The following FBN2 variants were observed in gnomAD, a reference collection of about 807,000 sequenced individuals.
FBN2 encodes fibrillin-2.
A neutral mutation model predicts 355.6 loss-of-function variants in FBN2; 105 were observed. That is an observed-to-expected ratio of 0.30 (90% confidence interval 0.25 to 0.35). The LOEUF is 0.35. Ranked by LOEUF, FBN2 falls within the 10% of genes least tolerant of loss-of-function variation. The probability of loss-of-function intolerance (pLI) is 1.00; values close to 1 mark genes in which losing one functional copy is unlikely to be tolerated. For synonymous variants in FBN2, 1,350 were observed against 1,301.2 expected, an observed-to-expected ratio of 1.04 and a Z score of -0.81; for missense variants, 3,280 against 3,758.7, an observed-to-expected ratio of 0.87 and a Z score of 3.33.
At chr5:128,447,348 C>G (rs1754093911) in intron 6 of FBN2, among the ~76,000 whole-genome samples, 1 of 152,134 alleles carries the variant, frequency 6.6e-6, no homozygotes, top group Non-Finnish European at 1.5e-5. Flanking sequence ...AGAAACAGCC[C>G]TGAGAAAGAG....
chr5:128,262,004 G>A, intron 63 of FBN2, 97 bp from the exon 64 acceptor site: 1 of 913,432 alleles, frequency 1.1e-6, no homozygotes, highest in Non-Finnish European at 1.8e-6. Flanking sequence ...GAAACCAACA[G>A]AGCAAACACT....
Position 128,258,662 on chromosome 5 carries a change from C to T in FBN2, c.*793G>A, listed in dbSNP as rs1561733137. 6.6e-6 allele frequency: 1 copy of T among 152,638 alleles called. No homozygotes were observed. Among genetic ancestry groups the T allele is most frequent in the Non-Finnish European group, 1.5e-5 (1 of 68,120 alleles). The allele number at this position is 152,638 out of a possible 1,614,324, so 9.5% of individuals were successfully genotyped here. A position where few individuals can be genotyped will look rare whatever the true frequency, so the allele number is the denominator to read the frequency against. On this transcript the variant is annotated 3_prime_UTR_variant, in exon 65 of 65. Transcript: ENST00000262464. ...GAGAAGGAAATACAGTACGGTTTGG[C>T]CTGCAATGCTAATGGTCTCACAAGC...
At chr5:128,327,629 G>GTTTGTT (rs1400681122) in intron 34 of FBN2, among the ~76,000 whole-genome samples, 1 of 144,986 alleles carries the variant, frequency 6.9e-6, no homozygotes, top group Non-Finnish European at 1.5e-5. Flanking sequence ...TTGTTGGTTT[G>GTTTGTT]TTTGTTTTTG....
In FBN2 at chr5:128,474,802, A is replaced by G. The variant is rs548169956; in HGVS notation, c.629-9881T>C. ...ATTCTGTCCTGGCATGTAACTTCCAATACAACATCTAAGCAACTGTGCTGA... is the reference window on the plus strand; with the variant it reads ...ATTCTGTCCTGGCATGTAACTTCCAGTACAACATCTAAGCAACTGTGCTGA... On this transcript the variant is annotated intron_variant, in intron 5 of 64. Coordinates refer to ENST00000262464, the MANE Select transcript of FBN2 (RefSeq NM_001999.4). Among the ~76,000 whole-genome samples, 28 of 152,320 alleles carry G rather than the reference A, an allele frequency of 1.8e-4. 1 individual carries two copies. In the South Asian group the frequency reaches 5.2e-3, roughly 28 times the overall value.
At chr5:128,490,270 A>G (rs1048942340) in intron 5 of FBN2, among the ~76,000 whole-genome samples, 2 of 152,180 alleles carry the variant, frequency 1.3e-5, no homozygotes, top group African/African-American at 4.8e-5. Flanking sequence ...TTTCATATCA[A>G]CTCTGTTTTA....
At chr5:128,293,112 G>A (rs999015801) in intron 48 of FBN2, among the ~76,000 whole-genome samples, 5 of 152,158 alleles carry the variant, frequency 3.3e-5, no homozygotes, top group African/African-American at 1.2e-4. Flanking sequence ...CAGGGTATGT[G>A]TACACATATC....
At position 128,263,548 on chromosome 5, in the gene FBN2, G is replaced by A; in HGVS notation, c.8069C>T (p.Ser2690Phe). The A allele has an allele frequency of 2.5e-6, 4 of 1,614,170 alleles. No homozygotes were observed. Among genetic ancestry groups the A allele is most frequent in the South Asian group, 1.1e-5 (1 of 91,088 alleles). Residue 2690 changes from serine to phenylalanine, a missense_variant, in exon 63 of 65, where the codon TCC (serine) becomes TTC (phenylalanine). Transcript: ENST00000262464. ...CTCATTCACGTCGTGGCAGGCACTG[G>A]AGAACTGGTCGAAGGAGAACCCCGA... ...CPSGFSFDQFSSACHDVNECS... is the reference protein window; with the variant it reads ...CPSGFSFDQFFSACHDVNECS...
chr5:128,287,302 C>T lies in FBN2; in HGVS notation c.6880+6G>A, dbSNP rs1271195305. The T allele has an allele frequency of 6.2e-7, 1 of 1,613,682 alleles. No homozygotes were observed. The highest frequency in any genetic ancestry group is 8.5e-7 in the Non-Finnish European group (1 of 1,179,776). ...GTTCGAACTACTCCCGAGTCTGAGG[C>T]CTTACCTTTGCACATCTTTTGATCT... is the stretch of plus-strand genomic sequence containing the variant. On this transcript the variant is annotated splice_donor_region_variant and intron_variant, in intron 54 of 64. Transcript: ENST00000262464.
intron 23 of FBN2, 145 bp downstream of exon 23, chr5:128,349,202 A>G: frequency 2.2e-6 from 2 of 913,644 alleles, no homozygotes; most frequent in Non-Finnish European, 3.5e-6. Context: ...CTTTTAAAAC[A>G]GCCTCTAGTG....
chr5:128,396,111 A>G (rs1752642849), intron 8 of FBN2, among the ~76,000 whole-genome samples: 1 of 152,166 alleles, frequency 6.6e-6, no homozygotes, highest in South Asian at 2.1e-4. Flanking sequence ...AGCAGAGGGC[A>G]GACATGTTTT....
intron 55 of FBN2, among the ~76,000 whole-genome samples, chr5:128,285,357 T>G (rs1411507700): frequency 6.6e-6 from 1 of 152,214 alleles, no homozygotes; most frequent in Non-Finnish European, 1.5e-5. Context: ...ATTGTTTGCA[T>G]GAAAGTGTTC....
At chr5:128,404,538 C>T (rs151277494) in intron 8 of FBN2, among the ~76,000 whole-genome samples, 384 of 152,324 alleles carry the variant, frequency 2.5e-3, no homozygotes, top group Middle Eastern at 6.8e-3. Context: ...CAAAGAGATG[C>T]CAAAGGCTGC....
chr5:128,295,013 T>C (rs1234133703), intron 48 of FBN2, among the ~76,000 whole-genome samples: 3 of 151,128 alleles, frequency 2.0e-5, no homozygotes, highest in Admixed American at 2.0e-4. Flanking sequence ...GATTTTTGTA[T>C]AAGGTGTAAG....
rs564846611 is a variant in FBN2, at chr5:128,406,218, A to C, written c.1078+2456T>G. 2.6e-4 allele frequency among the ~76,000 whole-genome samples: 39 copies of C among 152,344 alleles called. 1 individual carries two copies. The South Asian group carries it at 7.3e-3, about 28-fold the overall frequency. ...TGAAACCTTGAATGGAGCTGAATCC[A>C]ACTGCTTTCAATTTGAACACGTTTC... On this transcript the variant is annotated intron_variant, in intron 8 of 64. Transcript: ENST00000262464.
chr5:128,330,400 A>G (rs540729179), intron 33 of FBN2, among the ~76,000 whole-genome samples, 173 bp downstream of exon 33: 147 of 152,370 alleles, frequency 9.6e-4, no homozygotes, highest in African/African-American at 3.4e-3. Flanking sequence ...TTGGAAAGTC[A>G]TTCAGGTTTT....
rs200285828 is a variant in FBN2, at chr5:128,319,019, A to C, written c.4472-18T>G. 6 of 1,582,468 alleles carry C rather than the reference A, an allele frequency of 3.8e-6. No homozygotes were observed. In the African/African-American group the frequency reaches 4.0e-5, roughly 11 times the overall value. On this transcript the variant is annotated intron_variant, in intron 34 of 64. Transcript: ENST00000262464. ...ATCAATATCTGAAGATTTTAAAAAA[A>C]AGTAATCTCTTATTTAAGAAGACAT...
chr5:128,530,745 G>T, intron 2 of FBN2, 52 bp from the exon 3 acceptor site: 1 of 1,172,724 alleles, frequency 8.5e-7, no homozygotes, highest in Non-Finnish European at 1.3e-6. Flanking sequence ...ATAAACCATA[G>T]TTTACAAAAC....
intron 9 of FBN2, among the ~76,000 whole-genome samples, chr5:128,394,812 G>T (rs993750347): frequency 3.3e-5 from 5 of 152,060 alleles, no homozygotes; most frequent in Non-Finnish European, 7.4e-5. Flanking sequence ...TTGAGACAGG[G>T]TCTCGCTCTG....
intron 4 of FBN2, among the ~76,000 whole-genome samples, chr5:128,522,561 T>C (rs909024429): frequency 2.0e-5 from 3 of 152,262 alleles, no homozygotes; most frequent in East Asian, 1.9e-4. Flanking sequence ...CTTTTAACTA[T>C]AGAACATTTG....
Sources: gnomAD v4.1 joint callset for allele counts (sites outside exome capture counted in the v4.1 genomes callset) on GRCh38, gnomAD v4.1.1 for gene constraint, MANE v1.5 for transcripts, NCBI Gene and HGNC (gene_info 2026-07-23, HGNC 2026-07-21) for gene names.